Variants in CSMD1 observed in about 807,000 individuals in gnomAD.
CSMD1 encodes CUB and Sushi multiple domains 1.
A neutral mutation model predicts 417.5 loss-of-function variants in CSMD1; 213 were observed. The ratio of observed to expected loss-of-function variants is 0.51; its 90% CI spans 0.46 to 0.57. The LOEUF (loss-of-function observed/expected upper bound fraction) is 0.57. Ranked by LOEUF, CSMD1 falls within the 20% of genes least tolerant of loss-of-function variation. The pLI is 0.00. For synonymous variants in CSMD1, 2,862 were observed against 1,736.8 expected (o/e 1.65, Z -16.11); for missense variants, 6,923 against 4,529.7 (o/e 1.53, Z -15.17).
intron 1 of CSMD1, among the ~76,000 whole-genome samples, chr8:4,669,530 CAT>C (rs1348003598): frequency 1.3e-5 from 2 of 152,156 alleles, no homozygotes; most frequent in East Asian, 3.9e-4. Flanking sequence ...CAAATTGACA[CAT>C]ATCAATGAGA....
chr8:4,904,556 C>T (rs1421355197), intron 1 of CSMD1, among the ~76,000 whole-genome samples: 5 of 152,014 alleles, frequency 3.3e-5, no homozygotes, highest in East Asian at 3.9e-4. Flanking sequence ...ACACATGGAG[C>T]CACAGAATAT....
intron 10 of CSMD1, among the ~76,000 whole-genome samples, chr8:3,505,936 A>C (rs1440176870): frequency 6.6e-6 from 1 of 152,252 alleles, no homozygotes; most frequent in Non-Finnish European, 1.5e-5. Flanking sequence ...AAAAAGAATG[A>C]TCTCCAAAAA....
At chr8:3,846,714 G>C (rs1034669334) in intron 5 of CSMD1, among the ~76,000 whole-genome samples, 1 of 152,114 alleles carries the variant, frequency 6.6e-6, no homozygotes, top group Non-Finnish European at 1.5e-5. Flanking sequence ...CTGGAGTGCA[G>C]TGGTGCAACC....
chr8:3,680,027 T>TG (rs1799570747), intron 7 of CSMD1, among the ~76,000 whole-genome samples: 1 of 151,708 alleles, frequency 6.6e-6, no homozygotes, highest in African/African-American at 2.4e-5. Flanking sequence ...CTGGGACACA[T>TG]TTAAAGCAGT....
At chr8:4,613,770 G>C (rs2725039) in intron 2 of CSMD1, among the ~76,000 whole-genome samples, 79,784 of 151,344 alleles carry the variant, frequency 0.53, 22,169 homozygotes, top group African/African-American at 0.72. Flanking sequence ...TTCTCTCACT[G>C]CTAACATCAA....
intron 2 of CSMD1, among the ~76,000 whole-genome samples, chr8:4,527,881 C>G (rs1796601628): frequency 6.6e-6 from 1 of 152,126 alleles, no homozygotes; most frequent in East Asian, 1.9e-4. Context: ...TGAAATCAGA[C>G]TTAACAGGGG....
At chr8:4,762,120 T>C (rs1018312383) in intron 1 of CSMD1, among the ~76,000 whole-genome samples, 1 of 152,046 alleles carries the variant, frequency 6.6e-6, no homozygotes, top group Non-Finnish European at 1.5e-5. Flanking sequence ...TATAAAATAA[T>C]GGAACTGAAA....
At chr8:4,463,893 T>C (rs1490117527) in intron 2 of CSMD1, among the ~76,000 whole-genome samples, 1 of 152,142 alleles carries the variant, frequency 6.6e-6, no homozygotes, top group Non-Finnish European at 1.5e-5. Flanking sequence ...TTGTGGTATG[T>C]GAATCATTTC....
At chr8:4,248,901 T>G (rs1802877622) in intron 3 of CSMD1, among the ~76,000 whole-genome samples, 1 of 152,170 alleles carries the variant, frequency 6.6e-6, no homozygotes, top group Non-Finnish European at 1.5e-5. Flanking sequence ...AAAAATCCAT[T>G]TAGACCATAT....
chr8:4,926,300 G>A (rs573911207), intron 1 of CSMD1, among the ~76,000 whole-genome samples: 416 of 152,120 alleles, frequency 2.7e-3, no homozygotes, highest in African/African-American at 9.0e-3. Context: ...TGGTTCTAAC[G>A]AAAGGAAGAA....
At chr8:4,068,452 G>C (rs754783895) in intron 3 of CSMD1, among the ~76,000 whole-genome samples, 7 of 152,172 alleles carry the variant, frequency 4.6e-5, no homozygotes, top group Non-Finnish European at 7.3e-5. Flanking sequence ...TATATTTTTA[G>C]AAAGAAGTCT....
intron 10 of CSMD1, among the ~76,000 whole-genome samples, chr8:3,532,083 G>C (rs1798005621): frequency 6.6e-6 from 1 of 152,146 alleles, no homozygotes; most frequent in South Asian, 2.1e-4. Flanking sequence ...GTCTATGAAA[G>C]CCCCTACATT....
At position 3,973,169 on chromosome 8, in the gene CSMD1, C is replaced by T. The variant is rs550593169; in HGVS notation, c.818+24734G>A. 2.6e-3 allele frequency among the ~76,000 whole-genome samples: 398 copies of T among 152,144 alleles called. 1 individual carries two copies. The highest frequency in any genetic ancestry group is 3.8e-3 in the Non-Finnish European group (257 of 68,028). On this transcript the variant is annotated intron_variant, in intron 5 of 69. Transcript: ENST00000635120. Reference sequence around the variant, plus strand: ...AACGAATCCATGTTTTGTCTGAAAACGTGGAAAAACTGTTACCTTAAATGG... The same window carrying T: ...AACGAATCCATGTTTTGTCTGAAAATGTGGAAAAACTGTTACCTTAAATGG...
At chr8:4,453,204 GACACACACAGAGAC>G (rs1381136351) in intron 2 of CSMD1, among the ~76,000 whole-genome samples, 32 of 129,446 alleles carry the variant, frequency 2.5e-4, no homozygotes, top group African/African-American at 8.9e-4. Flanking sequence ...CACCCACACA[GACACACACAGAGAC>G]ACACACACAC....
At chr8:3,793,689 T>A (rs1270070845) in intron 5 of CSMD1, among the ~76,000 whole-genome samples, 1 of 152,184 alleles carries the variant, frequency 6.6e-6, no homozygotes, top group Non-Finnish European at 1.5e-5. Flanking sequence ...GATTCATTAT[T>A]CAGGGTAAGT....
At chr8:4,259,785 T>C (rs976539088) in intron 3 of CSMD1, among the ~76,000 whole-genome samples, 1 of 152,148 alleles carries the variant, frequency 6.6e-6, no homozygotes, top group Non-Finnish European at 1.5e-5. Context: ...AAATTTAAAA[T>C]ATTCATGTAA....
At chr8:4,809,014 G>A (rs1034533663) in intron 1 of CSMD1, among the ~76,000 whole-genome samples, 2 of 152,178 alleles carry the variant, frequency 1.3e-5, no homozygotes, top group African/African-American at 4.8e-5. Context: ...ATCTTATTGA[G>A]TTGTCTTGCC....
At chr8:4,647,309 T>C (rs1337091196) in intron 1 of CSMD1, among the ~76,000 whole-genome samples, 3 of 151,362 alleles carry the variant, frequency 2.0e-5, no homozygotes, top group Non-Finnish European at 4.4e-5. Context: ...GTTTGTTACA[T>C]AGGTATACAT....
chr8:3,892,270 G>C (rs1465971726), intron 5 of CSMD1, among the ~76,000 whole-genome samples: 1 of 152,122 alleles, frequency 6.6e-6, no homozygotes, highest in East Asian at 1.9e-4. Context: ...CAATAATCCA[G>C]CACAAAGAAC....
Sources: gnomAD v4.1 joint callset for allele counts (sites outside exome capture counted in the v4.1 genomes callset) on GRCh38, gnomAD v4.1.1 for gene constraint, MANE v1.5 for transcripts, NCBI Gene and HGNC (gene_info 2026-07-23, HGNC 2026-07-21) for gene names.